Variants in P4HA2 observed in about 807,000 individuals in gnomAD.
The protein encoded by P4HA2 is prolyl 4-hydroxylase subunit alpha-2.
Under a neutral mutation model 76.9 loss-of-function variants are expected in P4HA2, and 46 were observed. The ratio of observed to expected loss-of-function variants is 0.60; its 90% CI spans 0.47 to 0.76. The LOEUF is 0.76. Ranked by LOEUF, P4HA2 falls within the 30% of genes least tolerant of loss-of-function variation. The probability of loss-of-function intolerance (pLI) is 0.00; values close to 1 mark genes in which losing one functional copy is unlikely to be tolerated. For synonymous variants in P4HA2, 243 were observed against 254.0 expected (o/e 0.96, Z 0.41); for missense variants, 583 against 669.4 (o/e 0.87, Z 1.42).
At chr5:132,209,753 T>G (rs1468142037) in intron 6 of P4HA2, among the ~76,000 whole-genome samples, 1 of 123,252 alleles carries the variant, frequency 8.1e-6, no homozygotes, top group Non-Finnish European at 1.6e-5. Flanking sequence ...CCAGGCTGGA[T>G]GAGTGAGACT....
intron 5 of P4HA2, among the ~76,000 whole-genome samples, chr5:132,212,259 A>G (rs569875584): frequency 6.6e-6 from 1 of 152,362 alleles, no homozygotes; most frequent in South Asian, 2.1e-4. Context: ...GAAATTAAGC[A>G]CAGTAATCAG....
chr5:132,206,133 A>G (rs1012485421), intron 8 of P4HA2, among the ~76,000 whole-genome samples: 2 of 152,030 alleles, frequency 1.3e-5, no homozygotes, highest in Admixed American at 1.3e-4. Flanking sequence ...TTTTCCTAAC[A>G]CTACCCTCTG....
At chr5:132,202,748 C>T (rs1751685246) in intron 10 of P4HA2, 1 of 152,276 alleles carries the variant, frequency 6.6e-6, no homozygotes, top group South Asian at 2.1e-4. Context: ...TGCCACATTT[C>T]TTCAAAATCA....
intron 9 of P4HA2, 112 bp from the exon 10 acceptor site, chr5:132,203,959 T>G (rs1751851449): frequency 1.7e-6 from 2 of 1,147,450 alleles, no homozygotes; most frequent in Non-Finnish European, 2.6e-6. Context: ...ACAGGATGCC[T>G]GCTGCAAGGG....
intron 1 of P4HA2, among the ~76,000 whole-genome samples, chr5:132,218,860 C>T (rs1279526264): frequency 6.6e-6 from 1 of 152,192 alleles, no homozygotes; most frequent in East Asian, 1.9e-4. Flanking sequence ...TGGGAAGTCA[C>T]GTGCCCTGCG....
intron 12 of P4HA2, among the ~76,000 whole-genome samples, chr5:132,197,706 C>G (rs1263226138): frequency 1.3e-5 from 2 of 150,432 alleles, no homozygotes; most frequent in Admixed American, 1.3e-4. Flanking sequence ...CACAAAAAGA[C>G]AAGTGTTAAT....
intron 4 of P4HA2, among the ~76,000 whole-genome samples, chr5:132,215,357 A>G (rs1753679912): frequency 6.6e-6 from 1 of 152,240 alleles, no homozygotes; most frequent in Admixed American, 6.5e-5. Context: ...GAACCAGATG[A>G]TGGTGGGAGT....
In P4HA2 at chr5:132,214,023, T is replaced by C; in HGVS notation, c.362A>G (p.Gln121Arg). ...GFIANLSVQR[Q>R]FFPTDEDEIG... ...CTCGTCCTCATCAGTGGGGAAGAAC[T>C]GCCGCTGCACAGAGAGGTTGGCGAT... is the stretch of plus-strand genomic sequence containing the variant. The change falls in exon 5 of 15, where the codon CAG (glutamine) becomes CGG (arginine). Residue 121 changes from glutamine to arginine, a missense_variant. Transcript: ENST00000360568. The C allele has an allele frequency of 6.2e-7, 1 of 1,614,122 alleles. No homozygotes were observed. The highest frequency in any genetic ancestry group is 1.1e-5 in the South Asian group (1 of 91,072).
chr5:132,219,545 C>T (rs573819869), intron 1 of P4HA2, among the ~76,000 whole-genome samples: 25 of 152,256 alleles, frequency 1.6e-4, no homozygotes, highest in African/African-American at 5.3e-4. Context: ...CCTCCGATAC[C>T]GTCTCCCAGC....
intron 4 of P4HA2, among the ~76,000 whole-genome samples, chr5:132,214,418 G>C (rs1347878068): frequency 2.6e-5 from 4 of 152,046 alleles, no homozygotes; most frequent in African/African-American, 4.8e-5. Flanking sequence ...GCACGGGAGA[G>C]GACTCAGGAA....
In P4HA2 at chr5:132,192,416, C is replaced by G. The variant is rs1250577203; in HGVS notation, c.*594G>C. Reference sequence around the variant, plus strand: ...TGGGAGACAAAGAGAAACTATTTACCCTACTTTCCAGAAAAGGACACTGAC... The same window carrying G: ...TGGGAGACAAAGAGAAACTATTTACGCTACTTTCCAGAAAAGGACACTGAC... On this transcript the variant is annotated 3_prime_UTR_variant, in exon 15 of 15. Transcript: ENST00000360568. The G allele has an allele frequency of 6.6e-6, 1 of 152,330 alleles. No homozygotes were observed. The highest frequency in any genetic ancestry group is 2.4e-5 in the African/African-American group (1 of 41,398). The allele number at this position is 152,330 out of a possible 1,614,324, so 9.4% of individuals were successfully genotyped here. A position where few individuals can be genotyped will look rare whatever the true frequency, so the allele number is the denominator to read the frequency against.
intron 5 of P4HA2, among the ~76,000 whole-genome samples, chr5:132,210,957 A>C (rs570983304): frequency 1.3e-5 from 2 of 152,346 alleles, no homozygotes; most frequent in East Asian, 3.9e-4. Flanking sequence ...GGTGAGGAAA[A>C]TAGCTTGCAG....
At chr5:132,198,138 G>A in intron 12 of P4HA2, 183 bp downstream of exon 12, 1 of 1,605,660 alleles carries the variant, frequency 6.2e-7, no homozygotes. Flanking sequence ...CCCTGATGGG[G>A]GTGGGATATA....
intron 5 of P4HA2, among the ~76,000 whole-genome samples, chr5:132,211,619 C>A (rs1580711661): frequency 6.6e-6 from 1 of 152,186 alleles, no homozygotes; most frequent in African/African-American, 2.4e-5. Flanking sequence ...AGGCCAGGGA[C>A]TGGGGGGCTC....
intron 6 of P4HA2, among the ~76,000 whole-genome samples, chr5:132,209,548 C>T (rs1001729192): frequency 7.9e-5 from 12 of 152,006 alleles, no homozygotes; most frequent in Admixed American, 5.2e-4. Flanking sequence ...TTTGGGAGGC[C>T]GAGGCGGGTG....
chr5:132,225,511 G>A (rs903416095), intron 1 of P4HA2, among the ~76,000 whole-genome samples: 4 of 152,298 alleles, frequency 2.6e-5, no homozygotes, highest in Admixed American at 6.5e-5. Context: ...CTGCACCCAC[G>A]TAGTCTCTTC....
At chr5:132,193,905 T>C (rs1395911674) in intron 14 of P4HA2, among the ~76,000 whole-genome samples, 1 of 152,096 alleles carries the variant, frequency 6.6e-6, no homozygotes, top group Admixed American at 6.5e-5. Flanking sequence ...TTGAAAAAAA[T>C]AAAATTGTCG....
chr5:132,215,312 T>A (rs553565720), intron 4 of P4HA2, among the ~76,000 whole-genome samples: 2 of 152,368 alleles, frequency 1.3e-5, no homozygotes, highest in South Asian at 4.1e-4. Context: ...GGGCCTGCCC[T>A]ATCTCCTTCC....
rs1030090128 is a variant in P4HA2, at chr5:132,198,142, G to A, written c.1365+179C>T. 1.2e-4 allele frequency: 189 copies of A among 1,607,356 alleles called. 2 individuals are homozygous for A. In the South Asian group the frequency reaches 1.3e-3, roughly 11 times the overall value. ...GATGAGATCAGCCCTGATGGGGGTG[G>A]GATATAAGGCAGCCCTCTGGACCCA... On this transcript the variant is annotated intron_variant, in intron 12 of 14. Coordinates refer to ENST00000360568, the MANE Select transcript of P4HA2 (RefSeq NM_001017974.2).
Sources: gnomAD v4.1 joint callset for allele counts (sites outside exome capture counted in the v4.1 genomes callset) on GRCh38, gnomAD v4.1.1 for gene constraint, MANE v1.5 for transcripts, NCBI Gene and HGNC (gene_info 2026-07-23, HGNC 2026-07-21) for gene names.